BORCS5: variants seen among roughly 807,000 people sequenced by gnomAD.
The protein encoded by BORCS5 is BLOC-1 related complex subunit 5.
BORCS5 carries 17 observed loss-of-function variants against 22.1 expected under a neutral mutation model. That is an observed-to-expected ratio of 0.77 (90% confidence interval 0.53 to 1.15). The LOEUF is 1.15. BORCS5 is among the 50% of genes most tolerant of loss of function. The probability of loss-of-function intolerance (pLI) is 0.00; values close to 1 mark genes in which losing one functional copy is unlikely to be tolerated. For missense variants in BORCS5, 247 were observed against 253.2 expected (o/e 0.98, Z 0.17); for synonymous variants, 117 against 99.8 (o/e 1.17, Z -1.03).
chr12:12,470,183 GTC>G lies in BORCS5; in HGVS notation c.*4410_*4411del, dbSNP rs1198133334. On this transcript the variant is annotated 3_prime_UTR_variant, in exon 4 of 4. Coordinates refer to ENST00000314565, the MANE Select transcript of BORCS5 (RefSeq NM_058169.6). ...CCTCCCGGGTTCAAGCAGTTATACT[GTC>G]TCAGCCTCCCGAGTAGCTGGGACTA... 2.6e-5 allele frequency among the ~76,000 whole-genome samples: 4 copies of G among 152,200 alleles called. No homozygotes were observed. Among genetic ancestry groups the G allele is most frequent in the Non-Finnish European group, 5.9e-5 (4 of 68,038 alleles).
intron 2 of BORCS5, among the ~76,000 whole-genome samples, chr12:12,362,859 C>T (rs1386256124): frequency 6.6e-6 from 1 of 151,648 alleles, no homozygotes; most frequent in Non-Finnish European, 1.5e-5. Context: ...CCATGTTGGC[C>T]AGGCTGGTCT....
intron 2 of BORCS5, among the ~76,000 whole-genome samples, chr12:12,429,165 C>G (rs541875504): frequency 5.3e-5 from 8 of 152,168 alleles, no homozygotes; most frequent in Non-Finnish European, 7.3e-5. Flanking sequence ...TGAAACACTT[C>G]AGAGGACTGG....
chr12:12,378,539 A>AAATTTTTAAATTTTTTAAATTCTGATG (rs1863705786), intron 2 of BORCS5, among the ~76,000 whole-genome samples: 8 of 151,612 alleles, frequency 5.3e-5, no homozygotes, highest in Non-Finnish European at 1.0e-4. Flanking sequence ...CTACAAAATA[A>AAATTTTTAAATTTTTTAAATTCTGATG]CTAACCGGTT....
At chr12:12,450,245 G>C (rs1694883396) in intron 3 of BORCS5, among the ~76,000 whole-genome samples, 1 of 152,166 alleles carries the variant, frequency 6.6e-6, no homozygotes, top group Non-Finnish European at 1.5e-5. Flanking sequence ...CCCACTCTGG[G>C]AGCAGCCTTC....
In BORCS5 at chr12:12,466,909, T is replaced by C. The variant is rs1002145321; in HGVS notation, c.*1133T>C. 2.6e-5 allele frequency: 4 copies of C among 152,218 alleles called. No homozygotes were observed. The highest frequency in any genetic ancestry group is 4.8e-5 in the African/African-American group (2 of 41,460). 9.4% of individuals were successfully genotyped at this position (152,218 alleles called of 1,614,324 possible). A position where few individuals can be genotyped will look rare whatever the true frequency, so the allele number is the denominator to read the frequency against. ...TAAAATTGATGCGCTTAATTTAATG[T>C]ATCTTGGCTAAACTTGATCTGATTC... On this transcript the variant is annotated 3_prime_UTR_variant, in exon 4 of 4. Coordinates refer to ENST00000314565, the MANE Select transcript of BORCS5 (RefSeq NM_058169.6).
chr12:12,374,237 C>T (rs995228750), intron 2 of BORCS5, among the ~76,000 whole-genome samples: 9 of 151,752 alleles, frequency 5.9e-5, no homozygotes, highest in Non-Finnish European at 1.2e-4. Context: ...GTGATCCGCC[C>T]GCCTCAGCCT....
At chr12:12,363,143 A>G (rs1287105952) in intron 2 of BORCS5, among the ~76,000 whole-genome samples, 1 of 151,832 alleles carries the variant, frequency 6.6e-6, no homozygotes, top group African/African-American at 2.4e-5. Flanking sequence ...AGATAATACA[A>G]AAAATTAGCC....
chr12:12,460,090 T>A (rs1943075219), intron 3 of BORCS5, among the ~76,000 whole-genome samples: 1 of 152,256 alleles, frequency 6.6e-6, no homozygotes, highest in Non-Finnish European at 1.5e-5. Context: ...AATGAACCTC[T>A]TAATCAATTT....
chr12:12,452,255 A>G, intron 3 of BORCS5: 1 of 769,744 alleles, frequency 1.3e-6, no homozygotes, highest in Non-Finnish European at 2.2e-6. Flanking sequence ...TTTCCAGCTT[A>G]TTTTGTGCAC....
At chr12:12,376,898 T>TA (rs751009188) in intron 2 of BORCS5, among the ~76,000 whole-genome samples, 28 of 152,218 alleles carry the variant, frequency 1.8e-4, no homozygotes, top group Admixed American at 5.9e-4. Context: ...CTTTGGTTAA[T>TA]AAGGCTTCCT....
At chr12:12,402,533 TCC>T (rs1475387256) in intron 2 of BORCS5, among the ~76,000 whole-genome samples, 1 of 152,234 alleles carries the variant, frequency 6.6e-6, no homozygotes, top group Non-Finnish European at 1.5e-5. Flanking sequence ...CCTGCAGAGT[TCC>T]TGAATTGAGG....
At chr12:12,414,448 C>T (rs1400893507) in intron 2 of BORCS5, among the ~76,000 whole-genome samples, 1 of 95,986 alleles carries the variant, frequency 1.0e-5, no homozygotes, top group Non-Finnish European at 2.3e-5. Context: ...CCCCCCACCT[C>T]CCTCCCGGAC....
chr12:12,400,316 A>G (rs1208304111), intron 2 of BORCS5, among the ~76,000 whole-genome samples: 2 of 152,016 alleles, frequency 1.3e-5, no homozygotes, highest in Non-Finnish European at 2.9e-5. Context: ...GGCCTTGGTA[A>G]CTCTTAGCAA....
intron 3 of BORCS5, among the ~76,000 whole-genome samples, chr12:12,454,523 T>G (rs1349978163): frequency 6.6e-6 from 1 of 152,252 alleles, no homozygotes; most frequent in Admixed American, 6.5e-5. Flanking sequence ...GATTTTGCCC[T>G]AGGGACAGTA....
Position 12,366,152 on chromosome 12 carries a change from G to A in BORCS5, c.202+4803G>A, listed in dbSNP as rs187129652. On this transcript the variant is annotated intron_variant, in intron 2 of 3. Transcript: ENST00000314565. ...GGCCATTCCTCAAAATAGTAAAAAG[G>A]CCACACAGTGAAGCCTGTACCCCCC... 8.6e-4 allele frequency among the ~76,000 whole-genome samples: 131 copies of A among 152,232 alleles called. 2 individuals are homozygous for A. Among genetic ancestry groups the A allele is most frequent in the African/African-American group, 3.2e-3 (131 of 41,524 alleles).
intron 3 of BORCS5, among the ~76,000 whole-genome samples, chr12:12,461,161 CTT>C (rs35299390): frequency 0.013 from 1,708 of 134,152 alleles, 40 homozygotes; most frequent in African/African-American, 0.043. Context: ...TTATTGCATT[CTT>C]TTTTTTTTTT....
intron 2 of BORCS5, among the ~76,000 whole-genome samples, chr12:12,376,055 G>A (rs1421054620): frequency 6.6e-6 from 1 of 152,014 alleles, no homozygotes; most frequent in African/African-American, 2.4e-5. Context: ...CGCCCACCTC[G>A]GCCTCCCAAA....
chr12:12,419,194 A>G (rs1942051102), intron 2 of BORCS5, among the ~76,000 whole-genome samples: 1 of 152,092 alleles, frequency 6.6e-6, no homozygotes, highest in African/African-American at 2.4e-5. Context: ...TCCCTCCGCC[A>G]GCTCCTCACT....
At chr12:12,460,453 G>C (rs1943081776) in intron 3 of BORCS5, among the ~76,000 whole-genome samples, 1 of 152,138 alleles carries the variant, frequency 6.6e-6, no homozygotes, top group Admixed American at 6.6e-5. Context: ...AGACCCTTTT[G>C]CTTATTCCTT....
Sources: gnomAD v4.1 joint callset for allele counts (sites outside exome capture counted in the v4.1 genomes callset) on GRCh38, gnomAD v4.1.1 for gene constraint, MANE v1.5 for transcripts, NCBI Gene and HGNC (gene_info 2026-07-23, HGNC 2026-07-21) for gene names.